MAF: variants seen among roughly 807,000 people sequenced by gnomAD.
MAF encodes the protein MAF bZIP transcription factor, also known as transcription factor Maf.
A neutral mutation model predicts 22.0 loss-of-function variants in MAF; 10 were observed. That is an observed-to-expected ratio of 0.45 (90% confidence interval 0.28 to 0.77). MAF has a LOEUF of 0.77. Ranked by LOEUF, MAF falls within the 30% of genes least tolerant of loss-of-function variation. MAF has a pLI of 0.12. For missense variants in MAF, 544 were observed against 548.4 expected (o/e 0.99, Z 0.08); for synonymous variants, 337 against 255.8 (o/e 1.32, Z -3.03).
the MAF span, among the ~76,000 whole-genome samples, chr16:79,384,673 C>T: frequency 1.3e-5 from 2 of 151,988 alleles, no homozygotes; most frequent in Admixed American, 6.5e-5. Flanking sequence ...AGGAGAATGG[C>T]GTGAACCCGG....
the MAF span, among the ~76,000 whole-genome samples, chr16:79,227,033 G>A: frequency 1.3e-5 from 2 of 152,166 alleles, no homozygotes; most frequent in African/African-American, 4.8e-5. Context: ...AAAGCAGGTG[G>A]ATTATTTTGG....
At chr16:79,241,199 A>G in the MAF span, among the ~76,000 whole-genome samples, 1 of 152,098 alleles carries the variant, frequency 6.6e-6, no homozygotes, top group Non-Finnish European at 1.5e-5. Context: ...AGTTTGACAA[A>G]CTGACAGAAG....
At chr16:79,344,646 T>G in the MAF span, among the ~76,000 whole-genome samples, 122 of 152,304 alleles carry the variant, frequency 8.0e-4, 1 homozygote, top group Non-Finnish European at 1.3e-3. Context: ...CTCTTATCAT[T>G]GCAAAGAGCT....
the MAF span, among the ~76,000 whole-genome samples, chr16:79,436,051 G>A: frequency 6.6e-6 from 1 of 152,208 alleles, no homozygotes; most frequent in African/African-American, 2.4e-5. Context: ...TGTAAAAAGA[G>A]CAAAGTCTGT....
chr16:79,348,230 C>T, the MAF span, among the ~76,000 whole-genome samples: 1 of 152,206 alleles, frequency 6.6e-6, no homozygotes, highest in East Asian at 1.9e-4. Context: ...CTTTGGAGAG[C>T]CTTGAAGCTC....
At chr16:79,569,718 C>T in the MAF span, among the ~76,000 whole-genome samples, 4 of 152,126 alleles carry the variant, frequency 2.6e-5, no homozygotes, top group Non-Finnish European at 5.9e-5. Context: ...TGCCTGGGTA[C>T]CACCCCAGGA....
the MAF span, among the ~76,000 whole-genome samples, chr16:79,291,318 C>T: frequency 2.0e-5 from 3 of 152,068 alleles, no homozygotes; most frequent in Admixed American, 6.5e-5. Flanking sequence ...GTGGGAGGGA[C>T]GGAGAAGCCA....
chr16:79,235,010 C>T, the MAF span, among the ~76,000 whole-genome samples: 1 of 152,146 alleles, frequency 6.6e-6, no homozygotes, highest in Non-Finnish European at 1.5e-5. Context: ...TAGCCACGGA[C>T]TTAATTCATA....
the MAF span, among the ~76,000 whole-genome samples, chr16:79,250,055 A>G: frequency 3.7e-4 from 56 of 152,318 alleles, 1 homozygote; most frequent in African/African-American, 1.2e-3. Flanking sequence ...TCATTATTTT[A>G]TTTTGAATCT....
At chr16:79,315,689 G>A in the MAF span, among the ~76,000 whole-genome samples, 1 of 152,166 alleles carries the variant, frequency 6.6e-6, no homozygotes, top group East Asian at 1.9e-4. Flanking sequence ...GCCAATGCTG[G>A]GTGGGTGGCA....
chr16:79,360,126 A>C, the MAF span, among the ~76,000 whole-genome samples: 1 of 152,154 alleles, frequency 6.6e-6, no homozygotes, highest in Non-Finnish European at 1.5e-5. Context: ...TGAGAGAGCT[A>C]TCATGTCTCA....
chr16:79,238,714 G>A, the MAF span, among the ~76,000 whole-genome samples: 3 of 151,926 alleles, frequency 2.0e-5, no homozygotes, highest in East Asian at 3.9e-4. Context: ...TACAGTATGG[G>A]ATATACTTCT....
downstream of MAF, among the ~76,000 whole-genome samples, chr16:79,583,292 T>C (rs1371214822): frequency 6.6e-6 from 1 of 152,196 alleles, no homozygotes; most frequent in Non-Finnish European, 1.5e-5. Context: ...TTGACAACTG[T>C]TTGAATTCAT....
At chr16:79,348,674 T>G in the MAF span, among the ~76,000 whole-genome samples, 1 of 152,212 alleles carries the variant, frequency 6.6e-6, no homozygotes, top group Non-Finnish European at 1.5e-5. Context: ...TTGGGCCCAG[T>G]GACATCTGCC....
At chr16:79,247,385 C>G in the MAF span, among the ~76,000 whole-genome samples, 1 of 152,192 alleles carries the variant, frequency 6.6e-6, no homozygotes, top group African/African-American at 2.4e-5. Flanking sequence ...CAAAGTCATA[C>G]GTAACTTCTC....
the MAF span, among the ~76,000 whole-genome samples, chr16:79,221,952 C>T: frequency 6.6e-6 from 1 of 152,038 alleles, no homozygotes; most frequent in Non-Finnish European, 1.5e-5. Context: ...AATACACTTC[C>T]CTGGGACACA....
chr16:79,236,836 G>A, the MAF span, among the ~76,000 whole-genome samples: 1 of 151,760 alleles, frequency 6.6e-6, no homozygotes, highest in Admixed American at 6.6e-5. Context: ...AGGCCCTCCA[G>A]GGACAACCTA....
chr16:79,310,102 T>TC, the MAF span, among the ~76,000 whole-genome samples: 3 of 151,910 alleles, frequency 2.0e-5, no homozygotes, highest in East Asian at 1.9e-4. Context: ...CGTGAGCATT[T>TC]CCCCCCCGAT....
the MAF span, among the ~76,000 whole-genome samples, chr16:79,312,784 T>C: frequency 6.6e-6 from 1 of 152,302 alleles, no homozygotes; most frequent in African/African-American, 2.4e-5. Context: ...TCCGCTTGCA[T>C]CGGTGATAAG....
Sources: allele counts gnomAD v4.1 joint callset (sites outside exome capture counted in the v4.1 genomes callset), GRCh38; gene constraint gnomAD v4.1.1; transcripts MANE v1.5; gene names NCBI Gene and HGNC (gene_info 2026-07-23, HGNC 2026-07-21).